Variants in ASCC3 observed in about 807,000 individuals in gnomAD.
ASCC3 encodes the protein activating signal cointegrator 1 complex subunit 3.
ASCC3 carries 158 observed loss-of-function variants against 256.3 expected under a neutral mutation model. The ratio of observed to expected loss-of-function variants is 0.62; its 90% CI spans 0.54 to 0.70. The LOEUF is 0.70. Ranked by LOEUF, ASCC3 falls within the 30% of genes least tolerant of loss-of-function variation. ASCC3 has a pLI of 0.00. For synonymous variants in ASCC3, 948 were observed against 883.4 expected (o/e 1.07, Z -1.30); for missense variants, 2,259 against 2,626.0 (o/e 0.86, Z 3.05).
At chr6:100,840,603 T>C (rs1772098439) in intron 4 of ASCC3, among the ~76,000 whole-genome samples, 2 of 151,524 alleles carry the variant, frequency 1.3e-5, no homozygotes, top group Non-Finnish European at 2.9e-5. Flanking sequence ...AACTTGAATC[T>C]TCAATAGCAA....
chr6:100,596,666 AT>A (rs1432023655), intron 34 of ASCC3, among the ~76,000 whole-genome samples: 1 of 152,110 alleles, frequency 6.6e-6, no homozygotes, highest in Non-Finnish European at 1.5e-5. Flanking sequence ...CAATCCTTAA[AT>A]TTCAGCTTTT....
intron 4 of ASCC3, among the ~76,000 whole-genome samples, chr6:100,807,155 A>T (rs575776268): frequency 2.0e-5 from 3 of 152,102 alleles, no homozygotes; most frequent in Non-Finnish European, 4.4e-5. Flanking sequence ...AATAAAAAAG[A>T]TACCAAATTC....
intron 6 of ASCC3, among the ~76,000 whole-genome samples, chr6:100,800,046 C>A (rs540776573): frequency 3.3e-5 from 5 of 152,096 alleles, no homozygotes; most frequent in Admixed American, 2.6e-4. Context: ...GTGTACACAG[C>A]ACCTAAAAAT....
chr6:100,650,827 C>T, intron 19 of ASCC3, 113 bp from the exon 20 acceptor site: 1 of 860,266 alleles, frequency 1.2e-6, no homozygotes, highest in Admixed American at 2.2e-5. Context: ...TATAATGCAG[C>T]ATTTTTCTTT....
intron 10 of ASCC3, among the ~76,000 whole-genome samples, chr6:100,753,407 GA>G (rs1392131664): frequency 4.0e-5 from 6 of 149,258 alleles, no homozygotes; most frequent in Non-Finnish European, 8.9e-5. Flanking sequence ...AGCATCCAAT[GA>G]AAAAAACTAA....
chr6:100,784,079 G>C (rs1454661244), intron 8 of ASCC3, among the ~76,000 whole-genome samples: 1 of 151,922 alleles, frequency 6.6e-6, no homozygotes, highest in Admixed American at 6.6e-5. Flanking sequence ...CAAGTTAAAG[G>C]CTTGTAAAAC....
intron 13 of ASCC3, among the ~76,000 whole-genome samples, chr6:100,704,048 T>C (rs916117232): frequency 8.6e-6 from 1 of 116,696 alleles, no homozygotes; most frequent in Non-Finnish European, 2.0e-5. Context: ...TACCAAGAAG[T>C]ATTTTTTTTT....
At chr6:100,684,011 A>G (rs1255546473) in intron 13 of ASCC3, among the ~76,000 whole-genome samples, 3 of 152,180 alleles carry the variant, frequency 2.0e-5, no homozygotes, top group Admixed American at 2.0e-4. Context: ...GACTTGTCAA[A>G]GAAAGTGTTC....
chr6:100,880,056 G>C (rs1769215762), intron 1 of ASCC3, among the ~76,000 whole-genome samples: 1 of 152,108 alleles, frequency 6.6e-6, no homozygotes, highest in African/African-American at 2.4e-5. Context: ...AGACTTGAAT[G>C]AATGAATGAC....
At position 100,631,233 on chromosome 6, in the gene ASCC3, C is replaced by A; in HGVS notation, c.4123-20G>T. The A allele has an allele frequency of 6.5e-7, 1 of 1,546,322 alleles. No homozygotes were observed. Among genetic ancestry groups the A allele is most frequent in the South Asian group, 1.1e-5 (1 of 89,266 alleles). On this transcript the variant is annotated intron_variant, in intron 25 of 41. Transcript: ENST00000369162. ...TACCGCCTAAAAAGGGGAGAATAGC[C>A]AAAAATACTCTTATGAAAATAGTGA... is the stretch of plus-strand genomic sequence containing the variant.
chr6:100,544,616 T>C (rs1224160250), intron 36 of ASCC3, among the ~76,000 whole-genome samples: 1 of 151,828 alleles, frequency 6.6e-6, no homozygotes, highest in Non-Finnish European at 1.5e-5. Context: ...AATAGAAAAC[T>C]CAAGAAGAAA....
chr6:100,874,028 G>A (rs991632760), intron 1 of ASCC3, among the ~76,000 whole-genome samples: 2 of 152,112 alleles, frequency 1.3e-5, no homozygotes, highest in African/African-American at 4.8e-5. Context: ...TCTTCCCCAG[G>A]TTGAATGAGC....
chr6:100,524,235 C>T (rs533208077), intron 37 of ASCC3, among the ~76,000 whole-genome samples: 1 of 152,030 alleles, frequency 6.6e-6, no homozygotes, highest in South Asian at 2.1e-4. Context: ...TTACATCTGA[C>T]CTTGTTTCCC....
chr6:100,618,417 A>G (rs187880129), intron 30 of ASCC3, among the ~76,000 whole-genome samples: 90 of 152,302 alleles, frequency 5.9e-4, no homozygotes, highest in African/African-American at 2.1e-3. Flanking sequence ...TTTCACGAAG[A>G]TTCGTGACAA....
At chr6:100,616,992 C>CGTT (rs141000454) in intron 30 of ASCC3, among the ~76,000 whole-genome samples, 2,138 of 151,202 alleles carry the variant, frequency 0.014, 39 homozygotes, top group African/African-American at 0.039. Flanking sequence ...TTGTTGTTGT[C>CGTT]GTTGTTGTTG....
At position 100,725,626 on chromosome 6, in the gene ASCC3, T is replaced by C. The variant is rs768166986; in HGVS notation, c.1815A>G (p.Val605=). The C allele has an allele frequency of 6.2e-7, 1 of 1,612,776 alleles. No homozygotes were observed. Among genetic ancestry groups the C allele is most frequent in the South Asian group, 1.1e-5 (1 of 91,046 alleles). Reference sequence around the variant, plus strand: ...GAACTTCATCAAGAATAAGGAGCCTTACAATCTGGGAAAGAGCTACATCCC... The same window carrying C: ...GAACTTCATCAAGAATAAGGAGCCTCACAATCTGGGAAAGAGCTACATCCC... ...SVGDVALSQI[V]RLLILDEVHL... Residue 605 remains valine (V), a synonymous_variant, in exon 11 of 42, where the codon GTA becomes GTG. Coordinates refer to ENST00000369162, the MANE Select transcript of ASCC3 (RefSeq NM_006828.4).
At chr6:100,623,852 A>G (rs1381832452) in intron 30 of ASCC3, among the ~76,000 whole-genome samples, 1 of 152,092 alleles carries the variant, frequency 6.6e-6, no homozygotes, top group Non-Finnish European at 1.5e-5. Flanking sequence ...CATAAAATGC[A>G]AAGTCTTCTA....
intron 30 of ASCC3, among the ~76,000 whole-genome samples, chr6:100,613,621 T>C (rs1773518992): frequency 6.6e-6 from 1 of 152,158 alleles, no homozygotes; most frequent in African/African-American, 2.4e-5. Flanking sequence ...CTATTGTGAA[T>C]AGTGCTGCAA....
intron 8 of ASCC3, among the ~76,000 whole-genome samples, chr6:100,777,384 C>T (rs771809366): frequency 1.2e-4 from 18 of 152,034 alleles, no homozygotes; most frequent in Non-Finnish European, 2.4e-4. Flanking sequence ...TCTTGAATAT[C>T]TCCTCTATGT....
Sources: gnomAD v4.1 joint callset for allele counts (sites outside exome capture counted in the v4.1 genomes callset) on GRCh38, gnomAD v4.1.1 for gene constraint, MANE v1.5 for transcripts, NCBI Gene and HGNC (gene_info 2026-07-23, HGNC 2026-07-21) for gene names.